Variants in RAD51AP2 observed in about 807,000 individuals in gnomAD.
The protein encoded by RAD51AP2 is RAD51-associated protein 2.
A neutral mutation model predicts 85.5 loss-of-function variants in RAD51AP2; 67 were observed. The observed-to-expected ratio is 0.78, with a 90% confidence interval of 0.64 to 0.96. The LOEUF (loss-of-function observed/expected upper bound fraction) is 0.96, where lower values mean the gene tolerates loss of function less well. Ranked by LOEUF, RAD51AP2 falls within the 40% of genes least tolerant of loss-of-function variation. The pLI is 0.00. For missense variants in RAD51AP2, 1,307 were observed against 1,332.4 expected (o/e 0.98, Z 0.30); for synonymous variants, 474 against 446.5 (o/e 1.06, Z -0.78).
Position 17,517,058 on chromosome 2 carries a change from T to C in RAD51AP2, c.1358A>G (p.Asn453Ser), listed in dbSNP as rs372745869. 4 of 1,611,958 alleles carry C rather than the reference T, an allele frequency of 2.5e-6. No individual in the cohort carries two copies. The African/African-American group carries it at 5.3e-5, about 22-fold the overall frequency. ...KEDYHCAKVI[N>S]AYEEQSKLLV... The stretch of plus-strand genomic sequence containing the variant: ...AAGCTTTGATTGTTCTTCATATGCA[T>C]TGATGACTTTTGCACAGTGGTAATC... Residue 453 changes from asparagine (N) to serine (S), a missense_variant, in exon 1 of 3, where the codon AAT (asparagine) becomes AGT (serine). Physicochemically the swap from Asn to Ser is conservative, Grantham distance 46. Around this residue, in one of 3 missense-constraint regions of RAD51AP2, gnomAD observed 635 missense variants for 643.6 expected, o/e 0.99. Coordinates refer to ENST00000399080, the MANE Select transcript of RAD51AP2 (RefSeq NM_001099218.3).
At chr2:17,511,552 A>G (rs1394866621) in intron 2 of RAD51AP2, among the ~76,000 whole-genome samples, 1 of 152,124 alleles carries the variant, frequency 6.6e-6, no homozygotes, top group African/African-American at 2.4e-5. Flanking sequence ...AAAATACAAT[A>G]TCTCTAACTT....
At chr2:17,529,876 TTGAG>T in the RAD51AP2 span, among the ~76,000 whole-genome samples, 2 of 152,222 alleles carry the variant, frequency 1.3e-5, no homozygotes, top group Non-Finnish European at 2.9e-5. Flanking sequence ...GGGTACAAAT[TTGAG>T]TGGAGCTCTA....
At chr2:17,512,873 G>T (rs1662532113) in intron 2 of RAD51AP2, among the ~76,000 whole-genome samples, 1 of 152,024 alleles carries the variant, frequency 6.6e-6, no homozygotes, top group South Asian at 2.1e-4. Flanking sequence ...CTATTTCATT[G>T]TAAGCTAAGA....
At chr2:17,523,409 C>T (rs1370977885), upstream of RAD51AP2, among the ~76,000 whole-genome samples, 2 of 151,802 alleles carry the variant, frequency 1.3e-5, no homozygotes, top group Non-Finnish European at 1.5e-5. Context: ...TCAGCATATG[C>T]TACAGATCAG....
the RAD51AP2 span, among the ~76,000 whole-genome samples, chr2:17,526,439 A>G: frequency 2.0e-5 from 3 of 151,960 alleles, no homozygotes; most frequent in Admixed American, 6.6e-5. Flanking sequence ...CTACTTTTAC[A>G]CTCCAAACTG....
rs1337924003 is a variant in RAD51AP2, at chr2:17,517,683, T to C, written c.733A>G (p.Ile245Val). Residue 245 changes from isoleucine (I) to valine (V), a missense_variant, in exon 1 of 3, where the codon ATT becomes GTT. Ile to Val is a conservative substitution (Grantham distance 29). Coordinates refer to ENST00000399080, the MANE Select transcript of RAD51AP2 (RefSeq NM_001099218.3). ...SKSQNQPSLE[I>V]AKPSYFRDSG... is the part of the protein sequence containing the mutation. The stretch of plus-strand genomic sequence containing the variant: ...TCTCTAAAATAGCTAGGTTTGGCAA[T>C]TTCCAAGCTGGGCTGGTTTTGAGAT... 2.5e-6 allele frequency: 4 copies of C among 1,613,134 alleles called. No individual in the cohort carries two copies. Among genetic ancestry groups the C allele is most frequent in the Non-Finnish European group, 2.5e-6 (3 of 1,179,810 alleles).
In RAD51AP2 at chr2:17,516,562, T is replaced by G; in HGVS notation, c.1854A>C (p.Pro618=). 6.3e-7 allele frequency: 1 copy of G among 1,579,702 alleles called. No homozygotes were observed. Among genetic ancestry groups the G allele is most frequent in the Non-Finnish European group, 8.6e-7 (1 of 1,158,254 alleles). Residue 618 remains proline (P), a synonymous_variant, in exon 1 of 3, where the codon CCA becomes CCC. Transcript: ENST00000399080. ...IFKCMLYLKY[P]KNIVENHTAY... is the part of the protein sequence containing the mutation. ...CAGTATGATTTTCCACTATATTTTT[T>G]GGATACTTCAAATAAAGCATGCACT...
the RAD51AP2 span, among the ~76,000 whole-genome samples, chr2:17,532,035 A>G: frequency 1.3e-5 from 2 of 151,380 alleles, no homozygotes; most frequent in South Asian, 2.1e-4. Context: ...TTCACAGTAA[A>G]AAAAGCCGGG....
chr2:17,515,039 T>A (rs976385491), intron 1 of RAD51AP2, 130 bp downstream of exon 1: 21 of 652,598 alleles, frequency 3.2e-5, no homozygotes, highest in South Asian at 1.0e-4. Flanking sequence ...ATAGTGTGCA[T>A]CAATAAACAT....
At chr2:17,522,241 A>C (rs1016885027), upstream of RAD51AP2, among the ~76,000 whole-genome samples, 1 of 151,612 alleles carries the variant, frequency 6.6e-6, no homozygotes, top group African/African-American at 2.4e-5. Context: ...TTCCACATCT[A>C]CTCCCACAAC....
chr2:17,514,540 G>GGT (rs1553293568), intron 1 of RAD51AP2, among the ~76,000 whole-genome samples: 1 of 151,900 alleles, frequency 6.6e-6, no homozygotes, highest in African/African-American at 2.4e-5. Flanking sequence ...GGGCGGCGGG[G>GGT]GGGGTGGATC....
chr2:17,526,164 A>AT, the RAD51AP2 span, among the ~76,000 whole-genome samples: 5 of 151,798 alleles, frequency 3.3e-5, no homozygotes, highest in South Asian at 2.1e-4. Flanking sequence ...CAGGTGTTGT[A>AT]TTTTTTTTAA....
chr2:17,523,281 AAG>A (rs1169584656), upstream of RAD51AP2, among the ~76,000 whole-genome samples: 2 of 151,894 alleles, frequency 1.3e-5, no homozygotes, highest in African/African-American at 4.8e-5. Flanking sequence ...ACAGATTCAG[AAG>A]AGTTGATTGT....
chr2:17,515,303 G>A lies in RAD51AP2; in HGVS notation c.3113C>T (p.Pro1038Leu), dbSNP rs757885472. The A allele has an allele frequency of 2.5e-5, 40 of 1,613,566 alleles. No homozygotes were observed. The South Asian group carries it at 4.4e-4, about 18-fold the overall frequency. The change falls in exon 1 of 3, where the codon CCT becomes CTT. Residue 1038 changes from proline to leucine, a missense_variant. By Grantham distance (98) the Pro-to-Leu change is moderately conservative (BLOSUM62 -3). This residue lies in a region of RAD51AP2 where 668 missense variants were observed against 671.0 expected (regional missense o/e 1.00). Transcript: ENST00000399080. ...SSSFHDTIAG[P>L]NMGKSHQSLF... Reference sequence around the variant, plus strand: ...ACTTTGGTGACTTTTGCCCATATTAGGACCTGCTATAGTATCATGGAACGA... The same window carrying A: ...ACTTTGGTGACTTTTGCCCATATTAAGACCTGCTATAGTATCATGGAACGA...
In RAD51AP2 at chr2:17,517,606, C is replaced by T. The variant is rs199998821; in HGVS notation, c.810G>A (p.Met270Ile). The change falls in exon 1 of 3, where the codon ATG (methionine) becomes ATA (isoleucine). Residue 270 changes from methionine (M) to isoleucine (I), a missense_variant. Physicochemically the swap from Met to Ile is conservative, Grantham distance 10. Around this residue, in one of 3 missense-constraint regions of RAD51AP2, gnomAD observed 635 missense variants for 643.6 expected, o/e 0.99. Transcript: ENST00000399080. Reference sequence around the variant, plus strand: ...CTATTTCCTTTAAATAGACAGAGGACATTTTGCTATTTAAGTCCATTGGAA... The same window carrying T: ...CTATTTCCTTTAAATAGACAGAGGATATTTTGCTATTTAAGTCCATTGGAA... ...PQFPMDLNSK[M>I]SSVYLKEIAK... The T allele has an allele frequency of 2.5e-6, 4 of 1,613,932 alleles. No individual in the cohort carries two copies. The highest frequency in any genetic ancestry group is 2.2e-5 in the East Asian group (1 of 44,864).
In RAD51AP2 at chr2:17,517,532, T is replaced by C; in HGVS notation, c.884A>G (p.Asn295Ser). The C allele has an allele frequency of 1.2e-6, 2 of 1,613,676 alleles. No individual in the cohort carries two copies. Among genetic ancestry groups the C allele is most frequent in the Non-Finnish European group, 8.5e-7 (1 of 1,179,884 alleles). Residue 295 changes from asparagine (N) to serine (S), a missense_variant, in exon 1 of 3, where the codon AAC becomes AGC. Physicochemically the swap from Asn to Ser is conservative, Grantham distance 46. This residue lies in a region of RAD51AP2 where 635 missense variants were observed against 643.6 expected (regional missense o/e 0.99). Coordinates refer to ENST00000399080, the MANE Select transcript of RAD51AP2 (RefSeq NM_001099218.3). ...AGGTCTATTTTGGGACCAGTAAATG[T>C]TTGTGAAATCCCTAACATATGCCTC... ...KKEAYVRDFT[N>S]IYWSQNRPDV...
At position 17,518,146 on chromosome 2, in the gene RAD51AP2, C is replaced by T; in HGVS notation, c.270G>A (p.Val90=). 1.2e-6 allele frequency: 2 copies of T among 1,614,160 alleles called. No individual in the cohort carries two copies. Among genetic ancestry groups the T allele is most frequent in the Non-Finnish European group, 1.7e-6 (2 of 1,180,034 alleles). The change falls in exon 1 of 3, where the codon GTG becomes GTA. Residue 90 remains valine (V), a synonymous_variant. Coordinates refer to ENST00000399080, the MANE Select transcript of RAD51AP2 (RefSeq NM_001099218.3). Reference sequence around the variant, plus strand: ...TCTGCTTCCCACTGACTGATTTCTCCACACACGAGTCTGTGGAGTTATCGA... The same window carrying T: ...TCTGCTTCCCACTGACTGATTTCTCTACACACGAGTCTGTGGAGTTATCGA... ...AIFDNSTDSC[V]EKSVSGKQIC...
In RAD51AP2 at chr2:17,517,139, G is replaced by GT. The variant is rs759722299; in HGVS notation, c.1276dup (p.Thr426AsnfsTer2). ...TAATAGCCAATTCCATTTTTCTTCA[G>GT]TTTTTTTCATATTTTCACATTTAGT... On this transcript the variant is annotated frameshift_variant, in exon 1 of 3. Coordinates refer to ENST00000399080, the MANE Select transcript of RAD51AP2 (RefSeq NM_001099218.3). LOFTEE classifies it high-confidence loss of function. The GT allele has an allele frequency of 6.2e-6, 10 of 1,609,040 alleles. No homozygotes were observed. The highest frequency in any genetic ancestry group is 2.2e-5 in the South Asian group (2 of 89,808).
At position 17,514,013 on chromosome 2, in the gene RAD51AP2, T is replaced by G; in HGVS notation, c.3327A>C (p.Gly1109=). Residue 1109 remains glycine, a splice_region_variant and synonymous_variant, in exon 2 of 3, where the codon GGA becomes GGC. Transcript: ENST00000399080. ...CKEEFNYLLR[G]GSHFPHGISR... ...CCTAAAAAGTAACCACAATGTTACCTCCTCTCAATAAATAATTAAATTCTT... is the reference window on the plus strand; with the variant it reads ...CCTAAAAAGTAACCACAATGTTACCGCCTCTCAATAAATAATTAAATTCTT... 6.7e-7 allele frequency: 1 copy of G among 1,498,506 alleles called. No homozygotes were observed. The highest frequency in any genetic ancestry group is 1.1e-5 in the South Asian group (1 of 87,064). 92.8% of individuals were successfully genotyped at this position (1,498,506 alleles called of 1,614,324 possible). A position where few individuals can be genotyped will look rare whatever the true frequency, so the allele number is the denominator to read the frequency against.
Sources: gnomAD v4.1 joint callset for allele counts (sites outside exome capture counted in the v4.1 genomes callset) on GRCh38, gnomAD v4.1.1 for gene constraint, gnomAD v4.1.1 regional missense constraint, MANE v1.5 for transcripts, NCBI Gene and HGNC (gene_info 2026-07-23, HGNC 2026-07-21) for gene names.